Variants in CCDC73 observed in about 807,000 individuals in gnomAD.
CCDC73 encodes coiled-coil domain containing 73, also known as coiled-coil domain-containing protein 73.
In CCDC73, 95 loss-of-function variants were observed where a neutral mutation model predicts 116.5. That is an observed-to-expected ratio of 0.82 (90% CI 0.69 to 0.97). The LOEUF is 0.97. Among genes scored for constraint, CCDC73 ranks in the 50% least tolerant of loss-of-function variants. The pLI is 0.00. For missense variants in CCDC73, 1,066 were observed against 1,206.8 expected, an observed-to-expected ratio of 0.88 and a Z score of 1.73; for synonymous variants, 398 against 401.3, an observed-to-expected ratio of 0.99 and a Z score of 0.10.
At chr11:32,773,444 C>A (rs1293555366) in intron 1 of CCDC73, among the ~76,000 whole-genome samples, 13 of 152,012 alleles carry the variant, frequency 8.6e-5, no homozygotes, top group African/African-American at 1.7e-4. Flanking sequence ...GAAACTACAT[C>A]TCAATGAAAA....
chr11:32,777,095 C>CT (rs1850543992), intron 1 of CCDC73, among the ~76,000 whole-genome samples: 5 of 118,382 alleles, frequency 4.2e-5, no homozygotes, highest in African/African-American at 9.3e-5. Context: ...TCTTTTTTTT[C>CT]TTTCTTTTTT....
chr11:32,621,170 T>C (rs1477158201), intron 14 of CCDC73, among the ~76,000 whole-genome samples: 2 of 152,118 alleles, frequency 1.3e-5, no homozygotes, highest in Non-Finnish European at 2.9e-5. Flanking sequence ...TTGAAAAAAC[T>C]ACTTTAAAAT....
rs12271503 is a variant in CCDC73 at position 32,744,013 on chromosome 11, T to C, written c.135+16096A>G. Among the ~76,000 whole-genome samples the C allele has an allele frequency of 2.6e-3, 391 of 152,326 alleles. 1 individual carries two copies. Among genetic ancestry groups the C allele is most frequent in the African/African-American group, 9.2e-3 (383 of 41,578 alleles). On this transcript the variant is annotated intron_variant, in intron 2 of 17. Coordinates refer to ENST00000335185, the MANE Select transcript of CCDC73 (RefSeq NM_001008391.4). ...TTTTCAAAGGGAATGCTTCCAGTCT[T>C]TGCCCATTCAGTATGATATTGGCTG...
chr11:32,660,359 A>G (rs1266620864), intron 9 of CCDC73, among the ~76,000 whole-genome samples: 4 of 151,764 alleles, frequency 2.6e-5, no homozygotes, highest in East Asian at 1.9e-4. Flanking sequence ...GCCAACAGGT[A>G]TAGCTCCAGG....
chr11:32,698,924 A>G (rs1056844741), intron 6 of CCDC73, among the ~76,000 whole-genome samples: 2 of 152,192 alleles, frequency 1.3e-5, no homozygotes, highest in Admixed American at 1.3e-4. Flanking sequence ...ATTCAATGCT[A>G]TTTTAATTTT....
intron 14 of CCDC73, among the ~76,000 whole-genome samples, chr11:32,628,820 C>T (rs1174713191): frequency 1.3e-5 from 2 of 152,192 alleles, no homozygotes; most frequent in East Asian, 1.9e-4. Context: ...CCTGTTATGT[C>T]ACTATTTATA....
intron 9 of CCDC73, among the ~76,000 whole-genome samples, chr11:32,667,012 C>T (rs1855990067): frequency 6.6e-6 from 1 of 152,188 alleles, no homozygotes; most frequent in African/African-American, 2.4e-5. Context: ...CTGATTGTTC[C>T]TCTGGAAGCT....
At chr11:32,803,871 A>G in the CCDC73 span, among the ~76,000 whole-genome samples, 1 of 152,154 alleles carries the variant, frequency 6.6e-6, no homozygotes, top group Non-Finnish European at 1.5e-5. Flanking sequence ...CAGTGGCACA[A>G]TCTCAGCTCA....
chr11:32,644,739 T>C (rs1474904421), intron 12 of CCDC73, among the ~76,000 whole-genome samples: 1 of 152,196 alleles, frequency 6.6e-6, no homozygotes, highest in African/African-American at 2.4e-5. Flanking sequence ...AAAGTTCCCT[T>C]GGGCCACTTT....
chr11:32,748,535 T>C (rs1850260401), intron 2 of CCDC73, among the ~76,000 whole-genome samples: 1 of 152,230 alleles, frequency 6.6e-6, no homozygotes, highest in Non-Finnish European at 1.5e-5. Context: ...TTGTAGTTAT[T>C]ATTTTTAATT....
intron 2 of CCDC73, among the ~76,000 whole-genome samples, chr11:32,725,506 C>T (rs1166000425): frequency 6.6e-6 from 1 of 152,154 alleles, no homozygotes; most frequent in Non-Finnish European, 1.5e-5. Context: ...GCTTATAAAA[C>T]ACTTACTGTG....
chr11:32,745,488 T>C (rs1850227859), intron 2 of CCDC73, among the ~76,000 whole-genome samples: 2 of 151,688 alleles, frequency 1.3e-5, no homozygotes, highest in Admixed American at 1.3e-4. Context: ...TGATCTAATA[T>C]TGACATTGGG....
chr11:32,685,111 A>G (rs977035220), intron 6 of CCDC73, among the ~76,000 whole-genome samples: 1 of 152,068 alleles, frequency 6.6e-6, no homozygotes, highest in African/African-American at 2.4e-5. Flanking sequence ...CACATTTCCT[A>G]TGAAATAAAT....
intron 12 of CCDC73, among the ~76,000 whole-genome samples, chr11:32,646,712 T>TA (rs1425499646): frequency 6.6e-6 from 1 of 152,210 alleles, no homozygotes; most frequent in African/African-American, 2.4e-5. Context: ...AAGATAAACT[T>TA]ACATCTGTCA....
At chr11:32,706,936 A>G (rs1849860784) in intron 3 of CCDC73, among the ~76,000 whole-genome samples, 1 of 152,112 alleles carries the variant, frequency 6.6e-6, no homozygotes, top group South Asian at 2.1e-4. Flanking sequence ...TTTCCTGTTC[A>G]TAATCAGATC....
chr11:32,756,702 C>T (rs1850346984), intron 2 of CCDC73, among the ~76,000 whole-genome samples: 1 of 151,818 alleles, frequency 6.6e-6, no homozygotes, highest in African/African-American at 2.4e-5. Flanking sequence ...AAGAATCAGT[C>T]CCATCCAGGC....
intron 12 of CCDC73, among the ~76,000 whole-genome samples, chr11:32,643,896 T>C (rs1162380923): frequency 1.3e-5 from 2 of 152,150 alleles, no homozygotes; most frequent in African/African-American, 4.8e-5. Context: ...TTTTGACTCT[T>C]TTGAAATAAC....
At chr11:32,756,811 T>C (rs939318142) in intron 2 of CCDC73, among the ~76,000 whole-genome samples, 2 of 152,108 alleles carry the variant, frequency 1.3e-5, no homozygotes, top group African/African-American at 2.4e-5. Context: ...TTTTGCACTC[T>C]GTTTTAAATG....
intron 2 of CCDC73, among the ~76,000 whole-genome samples, chr11:32,757,268 CA>C (rs1308354623): frequency 1.4e-4 from 22 of 151,914 alleles, no homozygotes; most frequent in South Asian, 2.1e-4. Context: ...AAAATTAGAA[CA>C]GGGGCTGCCT....
Sources: allele counts gnomAD v4.1 joint callset (sites outside exome capture counted in the v4.1 genomes callset), GRCh38; gene constraint gnomAD v4.1.1; transcripts MANE v1.5; gene names NCBI Gene and HGNC (gene_info 2026-07-23, HGNC 2026-07-21).